The following MALRD1 variants were observed in gnomAD, a reference collection of about 807,000 sequenced individuals.
MALRD1 encodes the protein MAM and LDL receptor class A domain containing 1.
In MALRD1, 247 loss-of-function variants were observed where a neutral mutation model predicts 242.1. The ratio of observed to expected loss-of-function variants is 1.02; its 90% CI spans 0.92 to 1.13. The LOEUF (loss-of-function observed/expected upper bound fraction) is 1.13, where lower values mean the gene tolerates loss of function less well. Ranked by LOEUF, MALRD1 falls within the 50% of genes most tolerant of loss-of-function variation. MALRD1 has a pLI of 0.00. For synonymous variants in MALRD1, 995 were observed against 866.6 expected, an observed-to-expected ratio of 1.15 and a Z score of -2.60; for missense variants, 2,989 against 2,533.1, an observed-to-expected ratio of 1.18 and a Z score of -3.86.
At position 19,331,506 on chromosome 10, in the gene MALRD1, C is replaced by A; in HGVS notation, c.3825C>A (p.His1275Gln). ...ATGAATTCATGTGTGCTAATAAGCA[C>A]TGCATTGCCAAAGACAAGCTGTGTG... ...TDHEFMCANK[H>Q]CIAKDKLCDF... Residue 1275 changes from histidine to glutamine, a missense_variant, in exon 24 of 40, where the codon CAC becomes CAA. Physicochemically the swap from His to Gln is conservative, Grantham distance 24. Transcript: ENST00000454679. 1 of 1,550,384 alleles carries A rather than the reference C, an allele frequency of 6.5e-7. No individual in the cohort carries two copies. Among genetic ancestry groups the A allele is most frequent in the Non-Finnish European group, 8.7e-7 (1 of 1,146,836 alleles).
intron 26 of MALRD1, among the ~76,000 whole-genome samples, chr10:19,361,413 A>G (rs984738570): frequency 5.9e-5 from 9 of 152,156 alleles, no homozygotes; most frequent in Admixed American, 5.9e-4. Flanking sequence ...CCCAGACACT[A>G]AAGAGCTGCC....
chr10:19,588,649 C>G (rs779614234), intron 33 of MALRD1, among the ~76,000 whole-genome samples: 3 of 152,070 alleles, frequency 2.0e-5, no homozygotes, highest in Admixed American at 2.0e-4. Context: ...TTCTTATTTA[C>G]TCATGTATGT....
chr10:19,443,478 A>C (rs1250882832), intron 28 of MALRD1, among the ~76,000 whole-genome samples: 1 of 152,150 alleles, frequency 6.6e-6, no homozygotes, highest in Admixed American at 6.5e-5. Context: ...ATTTCCCTCT[A>C]CACACTGCTT....
intron 36 of MALRD1, among the ~76,000 whole-genome samples, chr10:19,644,984 G>A (rs10827732): frequency 0.046 from 6,985 of 152,142 alleles, 214 homozygotes; most frequent in Middle Eastern, 0.096. Context: ...ATAGAATGAA[G>A]CAATTATCTA....
intron 7 of MALRD1, among the ~76,000 whole-genome samples, chr10:19,125,382 C>T (rs10450313): frequency 0.18 from 10,825 of 58,654 alleles, 727 homozygotes; most frequent in Admixed American, 0.35. Flanking sequence ...TCTTTCTTTC[C>T]TTCCTTCCTT....
chr10:19,434,930 CAA>C (rs2130960178), intron 28 of MALRD1, among the ~76,000 whole-genome samples: 1 of 151,432 alleles, frequency 6.6e-6, no homozygotes, highest in African/African-American at 2.4e-5. Context: ...AAATTAACAA[CAA>C]AATAATTATT....
At chr10:19,518,410 C>G (rs1235290741) in intron 31 of MALRD1, among the ~76,000 whole-genome samples, 1 of 152,134 alleles carries the variant, frequency 6.6e-6, no homozygotes, top group African/African-American at 2.4e-5. Flanking sequence ...AAACCAATGA[C>G]ATTCTTAATT....
chr10:19,680,415 CT>C (rs1842317114), intron 36 of MALRD1, among the ~76,000 whole-genome samples: 1 of 151,962 alleles, frequency 6.6e-6, no homozygotes, highest in South Asian at 2.1e-4. Flanking sequence ...CTTTTTTGAT[CT>C]TTGTTGGTTT....
At chr10:19,693,622 A>G (rs1833214660) in intron 38 of MALRD1, among the ~76,000 whole-genome samples, 1 of 152,186 alleles carries the variant, frequency 6.6e-6, no homozygotes, top group South Asian at 2.1e-4. Context: ...GATAGGAAAA[A>G]TCAATATTGT....
intron 18 of MALRD1, among the ~76,000 whole-genome samples, chr10:19,241,360 C>T (rs1057129895): frequency 6.6e-6 from 1 of 152,008 alleles, no homozygotes; most frequent in Admixed American, 6.6e-5. Flanking sequence ...AATTTGTTGG[C>T]ATATAGTTAC....
At chr10:19,524,469 A>G (rs942491883) in intron 31 of MALRD1, among the ~76,000 whole-genome samples, 2 of 151,374 alleles carry the variant, frequency 1.3e-5, no homozygotes, top group African/African-American at 4.9e-5. Context: ...AGAGTAAGAA[A>G]AAAAAAAAAT....
chr10:19,681,670 A>G (rs1842377574), intron 36 of MALRD1, among the ~76,000 whole-genome samples: 1 of 152,046 alleles, frequency 6.6e-6, no homozygotes, highest in African/African-American at 2.4e-5. Flanking sequence ...CAGTTCATCC[A>G]TCTCAGCCTC....
intron 5 of MALRD1, among the ~76,000 whole-genome samples, chr10:19,107,739 TG>T (rs1836519706): frequency 6.6e-6 from 1 of 152,070 alleles, no homozygotes; most frequent in Admixed American, 6.5e-5. Context: ...CTTTGTGGTT[TG>T]GTGGTTTTCT....
intron 24 of MALRD1, among the ~76,000 whole-genome samples, chr10:19,345,069 T>A (rs1844050635): frequency 6.6e-6 from 1 of 152,154 alleles, no homozygotes; most frequent in Non-Finnish European, 1.5e-5. Context: ...TAATAGGATA[T>A]GAAATTATAA....
At chr10:19,380,447 G>A (rs1043708682) in intron 26 of MALRD1, among the ~76,000 whole-genome samples, 6 of 152,000 alleles carry the variant, frequency 3.9e-5, no homozygotes, top group South Asian at 2.1e-4. Flanking sequence ...CTGTTCAGTA[G>A]TTCTTTTGTT....
chr10:19,180,131 C>G (rs1407909683), intron 14 of MALRD1, among the ~76,000 whole-genome samples: 2 of 152,078 alleles, frequency 1.3e-5, no homozygotes, highest in African/African-American at 4.8e-5. Context: ...AGGTGAAAAC[C>G]AAGGTGGTTT....
intron 18 of MALRD1, among the ~76,000 whole-genome samples, chr10:19,235,530 C>T (rs1328706834): frequency 1.5e-5 from 2 of 137,918 alleles, no homozygotes; most frequent in Non-Finnish European, 3.1e-5. Flanking sequence ...CAAACAAAAA[C>T]CAGAAGTAAA....
intron 38 of MALRD1, among the ~76,000 whole-genome samples, chr10:19,719,161 T>C (rs1369289632): frequency 2.0e-5 from 2 of 98,064 alleles, no homozygotes; most frequent in Non-Finnish European, 3.8e-5. Context: ...AAATTATATA[T>C]ATATATATAC....
rs182879709 is a variant in MALRD1 at position 19,503,113 on chromosome 10, G to C, written c.5320+4467G>C. The stretch of plus-strand genomic sequence containing the variant: ...TTATCCTCCTTGTTAATCACTACTT[G>C]AGACAGTATATTTTACAGAGTGCTC... On this transcript the variant is annotated intron_variant, in intron 31 of 39. Coordinates refer to ENST00000454679, the MANE Select transcript of MALRD1 (RefSeq NM_001142308.3). 1.9e-3 allele frequency among the ~76,000 whole-genome samples: 284 copies of C among 152,220 alleles called. 1 individual carries two copies. Among genetic ancestry groups the C allele is most frequent in the African/African-American group, 6.4e-3 (265 of 41,534 alleles).
Sources: gnomAD v4.1 joint callset for allele counts (sites outside exome capture counted in the v4.1 genomes callset) on GRCh38, gnomAD v4.1.1 for gene constraint, MANE v1.5 for transcripts, NCBI Gene and HGNC (gene_info 2026-07-23, HGNC 2026-07-21) for gene names.